ESRP1: variants seen among roughly 807,000 people sequenced by gnomAD.
The protein encoded by ESRP1 is epithelial splicing regulatory protein 1.
ESRP1 carries 33 observed loss-of-function variants against 81.7 expected under a neutral mutation model. The ratio of observed to expected loss-of-function variants is 0.40; its 90% confidence interval spans 0.31 to 0.54. The LOEUF (loss-of-function observed/expected upper bound fraction) is 0.54, where lower values mean the gene tolerates loss of function less well. ESRP1 is among the 20% of genes least tolerant of loss of function. ESRP1 has a pLI of 0.41. For synonymous variants in ESRP1, 320 were observed against 303.3 expected (o/e 1.06, Z -0.57); for missense variants, 672 against 833.1 (o/e 0.81, Z 2.38).
chr8:94,703,543 C>T (rs906844738), intron 15 of ESRP1, among the ~76,000 whole-genome samples: 1 of 152,150 alleles, frequency 6.6e-6, no homozygotes, highest in African/African-American at 2.4e-5. Context: ...GGCATTTCCA[C>T]ATTTTATCAG....
At chr8:94,650,861 G>A (rs1285658510) in intron 4 of ESRP1, among the ~76,000 whole-genome samples, 3 of 151,932 alleles carry the variant, frequency 2.0e-5, no homozygotes, top group Non-Finnish European at 2.9e-5. Flanking sequence ...ACAGGCGCCC[G>A]CCCATGGCTA....
Position 94,668,123 on chromosome 8 carries a change from C to T in ESRP1, c.1106C>T (p.Pro369Leu). 2 of 1,613,952 alleles carry T rather than the reference C, an allele frequency of 1.2e-6. No individual in the cohort carries two copies. Among genetic ancestry groups the T allele is most frequent in the South Asian group, 2.2e-5 (2 of 91,082 alleles). Reference protein sequence around the residue: ...ILFVTYPDGRPTGDAFVLFAC... With the variant: ...ILFVTYPDGRLTGDAFVLFAC... ...TTTGTCACCTACCCAGATGGTAGGC[C>T]AACAGGGGACGCTTTTGTCCTCTTT... Residue 369 changes from proline (P) to leucine (L), a missense_variant, in exon 10 of 16, where the codon CCA becomes CTA. Pro to Leu is a moderately conservative substitution (Grantham distance 98). Transcript: ENST00000433389.
At chr8:94,667,220 A>G (rs906523451) in intron 9 of ESRP1, among the ~76,000 whole-genome samples, 3 of 151,938 alleles carry the variant, frequency 2.0e-5, no homozygotes, top group Non-Finnish European at 2.9e-5. Context: ...TGTGTCTCAA[A>G]AAAAAAACAA....
chr8:94,657,406 CTG>C (rs1490447520), intron 4 of ESRP1, among the ~76,000 whole-genome samples: 1 of 152,044 alleles, frequency 6.6e-6, no homozygotes, highest in East Asian at 1.9e-4. Context: ...TCATTCCTCT[CTG>C]TTACTCGTTT....
intron 4 of ESRP1, among the ~76,000 whole-genome samples, chr8:94,657,102 A>G (rs1228712057): frequency 6.6e-6 from 1 of 152,190 alleles, no homozygotes; most frequent in Non-Finnish European, 1.5e-5. Context: ...CTCCTCTAAC[A>G]TGCATATAAA....
intron 13 of ESRP1, among the ~76,000 whole-genome samples, chr8:94,681,727 A>G (rs2130675523): frequency 6.6e-6 from 1 of 152,322 alleles, no homozygotes; most frequent in Admixed American, 6.5e-5. Flanking sequence ...TCACGAGGTC[A>G]GGGGTTCAAG....
intron 10 of ESRP1, chr8:94,668,515 C>A: frequency 3.7e-6 from 1 of 273,858 alleles, no homozygotes; most frequent in Middle Eastern, 1.1e-3. Flanking sequence ...TGAAAGCTTA[C>A]CTATGTCTGA....
intron 13 of ESRP1, among the ~76,000 whole-genome samples, chr8:94,686,864 G>A (rs1368053617): frequency 1.1e-4 from 17 of 151,934 alleles, no homozygotes; most frequent in Admixed American, 1.1e-3. Flanking sequence ...ATTCTTATTT[G>A]GCGTGCAATT....
At chr8:94,649,863 A>G (rs1187138153) in intron 4 of ESRP1, among the ~76,000 whole-genome samples, 1 of 150,416 alleles carries the variant, frequency 6.6e-6, no homozygotes, top group Non-Finnish European at 1.5e-5. Context: ...ATTGGGCAGA[A>G]AGTATAGTGT....
At chr8:94,686,768 G>A (rs1484567662) in intron 13 of ESRP1, among the ~76,000 whole-genome samples, 2 of 152,160 alleles carry the variant, frequency 1.3e-5, no homozygotes, top group African/African-American at 4.8e-5. Flanking sequence ...AAGGTATAAT[G>A]GAGGTAAAAA....
rs1217321248 is a variant in ESRP1 at position 94,662,308 on chromosome 8, A to C, written c.527A>C (p.Tyr176Ser). 6.3e-7 allele frequency: 1 copy of C among 1,583,868 alleles called. No homozygotes were observed. The highest frequency in any genetic ancestry group is 8.6e-7 in the Non-Finnish European group (1 of 1,163,592). The change falls in exon 5 of 16, where the codon TAT becomes TCT. Residue 176 changes from tyrosine to serine, a missense_variant. Physicochemically the swap from Tyr to Ser is moderately radical, Grantham distance 144. Coordinates refer to ENST00000433389, the MANE Select transcript of ESRP1 (RefSeq NM_017697.4). ...GAGAAGAGTAGTTCAGTCTCTCGAT[A>C]TGGAGCCTCTCAAGTTGAAGATATG... ...NFEKSSSVSR[Y>S]GASQVEDMGN...
At chr8:94,678,496 T>C in intron 13 of ESRP1, 125 bp downstream of exon 13, 1 of 1,107,076 alleles carries the variant, frequency 9.0e-7, no homozygotes, top group Non-Finnish European at 1.3e-6. Flanking sequence ...CCACAGCCTC[T>C]GGTCATATCT....
chr8:94,646,931 GCTAA>G (rs993160220), intron 4 of ESRP1, among the ~76,000 whole-genome samples: 4 of 152,154 alleles, frequency 2.6e-5, no homozygotes, highest in African/African-American at 7.2e-5. Context: ...TCTTTCAAAT[GCTAA>G]CTAATAAGCA....
chr8:94,679,783 C>T (rs7814803), intron 13 of ESRP1, among the ~76,000 whole-genome samples: 75,485 of 151,824 alleles, frequency 0.5, 20,455 homozygotes, highest in South Asian at 0.68. Context: ...GTAACCGTTA[C>T]TATCAGTTTG....
At chr8:94,652,491 GA>G (rs1818195097) in intron 4 of ESRP1, among the ~76,000 whole-genome samples, 1 of 145,530 alleles carries the variant, frequency 6.9e-6, no homozygotes, top group South Asian at 2.2e-4. Flanking sequence ...TTTTTTTTTT[GA>G]AATTATCTTA....
intron 15 of ESRP1, among the ~76,000 whole-genome samples, chr8:94,699,376 C>T (rs528698025): frequency 6.6e-6 from 1 of 152,244 alleles, no homozygotes; most frequent in South Asian, 2.1e-4. Context: ...AGCAGTGGCT[C>T]ATGCCTGTAA....
chr8:94,652,768 A>G (rs1818207572), intron 4 of ESRP1, among the ~76,000 whole-genome samples: 1 of 152,178 alleles, frequency 6.6e-6, no homozygotes, highest in African/African-American at 2.4e-5. Context: ...TAAGGAGGAC[A>G]GGTGAAAAAA....
intron 13 of ESRP1, among the ~76,000 whole-genome samples, chr8:94,686,447 C>G (rs990976938): frequency 6.6e-6 from 1 of 152,194 alleles, no homozygotes; most frequent in Non-Finnish European, 1.5e-5. Context: ...GGAACAGCCC[C>G]TCTAGTATTA....
chr8:94,678,640 A>G (rs1207808617), intron 13 of ESRP1, among the ~76,000 whole-genome samples: 1 of 152,236 alleles, frequency 6.6e-6, no homozygotes, highest in Non-Finnish European at 1.5e-5. Context: ...ACCCCAAGTG[A>G]GTAGTGATGT....
Sources: gnomAD v4.1 joint callset for allele counts (sites outside exome capture counted in the v4.1 genomes callset) on GRCh38, gnomAD v4.1.1 for gene constraint, MANE v1.5 for transcripts, NCBI Gene and HGNC (gene_info 2026-07-23, HGNC 2026-07-21) for gene names.